The following CSF1R variants were observed in gnomAD, a reference collection of about 807,000 sequenced individuals.
CSF1R encodes the protein colony stimulating factor 1 receptor.
Under a neutral mutation model 110.0 loss-of-function variants are expected in CSF1R, and 40 were observed. The observed-to-expected ratio is 0.36, with a 90% confidence interval of 0.28 to 0.47. CSF1R has a LOEUF of 0.47. Among genes scored for constraint, CSF1R ranks in the 20% least tolerant of loss-of-function variants. The probability of loss-of-function intolerance (pLI) is 0.99; values close to 1 mark genes in which losing one functional copy is unlikely to be tolerated. For missense variants in CSF1R, 1,052 were observed against 1,253.0 expected (o/e 0.84, Z 2.42); for synonymous variants, 523 against 503.4 (o/e 1.04, Z -0.52).
chr5:150,070,694 C>G, intron 6 of CSF1R, 123 bp from the exon 7 acceptor site: 1 of 644,052 alleles, frequency 1.6e-6, no homozygotes. Flanking sequence ...CAGGGCCCAA[C>G]GGCCTTGGGT....
chr5:150,098,447 A>G (rs1222040876), intron 1 of CSF1R: 4 of 152,944 alleles, frequency 2.6e-5, no homozygotes, highest in South Asian at 4.1e-4. Flanking sequence ...ATTGATCACA[A>G]CCAGTTACAG....
chr5:150,096,137 C>A (rs1282003516), intron 1 of CSF1R, among the ~76,000 whole-genome samples: 3 of 152,194 alleles, frequency 2.0e-5, no homozygotes, highest in Admixed American at 1.3e-4. Flanking sequence ...TGCCTGTAAT[C>A]CCAGCACTTT....
chr5:150,056,721 C>G (rs1757233890), intron 16 of CSF1R, among the ~76,000 whole-genome samples: 1 of 152,078 alleles, frequency 6.6e-6, no homozygotes. Context: ...ACTCTGCACA[C>G]ATTGAACCCT....
At chr5:150,073,514 GCATC>G in intron 5 of CSF1R, 21 bp from the exon 6 acceptor site, 1 of 1,603,730 alleles carries the variant, frequency 6.2e-7, no homozygotes, top group Non-Finnish European at 8.5e-7. Context: ...GAACACACAA[GCATC>G]TGGCATTAGT....
chr5:150,075,178 G>A (rs540099948), intron 5 of CSF1R, among the ~76,000 whole-genome samples: 2 of 152,208 alleles, frequency 1.3e-5, no homozygotes, highest in East Asian at 3.9e-4. Context: ...GTGAGCTTTT[G>A]GGGGCAAGGC....
intron 1 of CSF1R, among the ~76,000 whole-genome samples, chr5:150,092,093 A>G (rs980344907): frequency 6.6e-6 from 1 of 152,250 alleles, no homozygotes; most frequent in Non-Finnish European, 1.5e-5. Context: ...TTTTGTGGCC[A>G]TACGGTCTTT....
intron 9 of CSF1R, among the ~76,000 whole-genome samples, chr5:150,068,604 G>A (rs1229946440): frequency 6.6e-6 from 1 of 152,192 alleles, no homozygotes; most frequent in African/African-American, 2.4e-5. Context: ...CTGGGGTCAT[G>A]CAGTCTCACC....
At chr5:150,100,419 T>C (rs1759371622) in intron 1 of CSF1R, among the ~76,000 whole-genome samples, 1 of 148,984 alleles carries the variant, frequency 6.7e-6, no homozygotes, top group South Asian at 2.2e-4. Context: ...TGCCTCAGCC[T>C]CCCGAGTAGC....
chr5:150,077,236 A>G (rs757306973), intron 5 of CSF1R, 40 bp downstream of exon 5: 15 of 1,613,186 alleles, frequency 9.3e-6, no homozygotes, highest in Non-Finnish European at 1.3e-5. Flanking sequence ...ACACTCCTGC[A>G]GGATCCCTAC....
chr5:150,055,457 A>C (rs1412620997), intron 18 of CSF1R, 121 bp from the exon 19 acceptor site: 2 of 789,018 alleles, frequency 2.5e-6, no homozygotes, highest in Admixed American at 4.2e-5. Flanking sequence ...AACAGCAGCT[A>C]CTCTTACCCG....
chr5:150,106,842 C>T (rs1276287250), intron 1 of CSF1R, among the ~76,000 whole-genome samples: 2 of 152,242 alleles, frequency 1.3e-5, no homozygotes, highest in Admixed American at 1.3e-4. Context: ...ATAAGCCTCC[C>T]TTTGCCTGAC....
At chr5:150,068,185 A>T in intron 10 of CSF1R, 30 bp downstream of exon 10, 1 of 1,577,400 alleles carries the variant, frequency 6.3e-7, no homozygotes, top group Non-Finnish European at 8.7e-7. Context: ...TCACTCAGGC[A>T]CCTGGCAGCC....
intron 1 of CSF1R, among the ~76,000 whole-genome samples, chr5:150,085,458 G>C (rs6579770): frequency 0.024 from 3,606 of 151,818 alleles, 132 homozygotes; most frequent in African/African-American, 0.083. Context: ...CTCCCCCAAG[G>C]TCCCTTTGAA....
rs1476796596 is a variant in CSF1R at position 150,053,392 on chromosome 5, G to C, written c.*677C>G. The C allele has an allele frequency of 8.5e-6, 2 of 234,102 alleles. No individual in the cohort carries two copies. The highest frequency in any genetic ancestry group is 4.4e-5 in the African/African-American group (2 of 45,338). 14.5% of individuals were successfully genotyped at this position (234,102 alleles called of 1,614,324 possible). On this transcript the variant is annotated 3_prime_UTR_variant, in exon 21 of 21. Coordinates refer to ENST00000675795, the MANE Select transcript of CSF1R (RefSeq NM_001288705.3). ...TGGGGGAGTTTGTGCTTCCTGCTTG[G>C]TGTGGCCAGCCACATGCCAAGGTCC... is the stretch of plus-strand genomic sequence containing the variant.
At position 150,068,242 on chromosome 5, in the gene CSF1R, G is replaced by GAGC; in HGVS notation, c.1596_1598dup (p.Leu537dup). The GAGC allele has an allele frequency of 1.2e-6, 2 of 1,608,386 alleles. No individual in the cohort carries two copies. The highest frequency in any genetic ancestry group is 1.7e-6 in the Non-Finnish European group (2 of 1,177,920). On this transcript the variant is annotated inframe_insertion, in exon 10 of 21. Transcript: ENST00000675795. The stretch of plus-strand genomic sequence containing the variant: ...GCTTATACTTGTACAATAGCAGCAG[G>GAGC]AGCAGCAGCAGCAGCAAGGCCATGA...
chr5:150,070,782 T>A (rs1456068357), intron 6 of CSF1R, among the ~76,000 whole-genome samples: 1 of 152,210 alleles, frequency 6.6e-6, no homozygotes, highest in Non-Finnish European at 1.5e-5. Context: ...TTTTCTTATC[T>A]GAAAGTGTTT....
At chr5:150,069,849 G>A (rs776270430) in intron 9 of CSF1R, 24 bp downstream of exon 9, 2 of 1,573,082 alleles carry the variant, frequency 1.3e-6, no homozygotes, top group Non-Finnish European at 1.7e-6. Context: ...GGGGGGCGGT[G>A]CGGGTGCGAA....
chr5:150,080,914 G>A lies in CSF1R; in HGVS notation c.160C>T (p.Pro54Ser), dbSNP rs755808680. The change falls in exon 2 of 21, where the codon CCA becomes TCA. Residue 54 changes from proline (P) to serine (S), a missense_variant. Transcript: ENST00000675795. ...GNGSVEWDGP[P>S]SPHWTLYSDG... ...GAGTACAGGGTCCAGTGAGGTGATG[G>A]GGGGCCATCCCATTCCACGCTGCCA... The A allele has an allele frequency of 1.9e-6, 3 of 1,613,998 alleles. No individual in the cohort carries two copies. Among genetic ancestry groups the A allele is most frequent in the African/African-American group, 2.7e-5 (2 of 74,934 alleles).
chr5:150,086,387 G>A lies in CSF1R; in HGVS notation c.41C>T (p.Ala14Val), dbSNP rs774289908. 2.5e-6 allele frequency: 4 copies of A among 1,609,540 alleles called. No individual in the cohort carries two copies. Among genetic ancestry groups the A allele is most frequent in the Non-Finnish European group, 3.4e-6 (4 of 1,178,168 alleles). The change falls in exon 1 of 21, where the codon GCT becomes GTT. Residue 14 changes from alanine (A) to valine (V), a missense_variant. This residue lies in a region of CSF1R where 693 missense variants were observed against 735.4 expected (regional missense o/e 0.94). Transcript: ENST00000675795. Reference sequence around the variant, plus strand: ...CCCCGTTCTGCTCTTACCATGCCAAGCTGTGGCCACCAGCAGGAGCAGCAG... The same window carrying A: ...CCCCGTTCTGCTCTTACCATGCCAAACTGTGGCCACCAGCAGGAGCAGCAG... ...GVLLLLLVAT[A>V]WHGQGIPVIE...
Sources: allele counts gnomAD v4.1 joint callset (sites outside exome capture counted in the v4.1 genomes callset), GRCh38; gene constraint gnomAD v4.1.1; regional missense constraint gnomAD v4.1.1; transcripts MANE v1.5; gene names NCBI Gene and HGNC (gene_info 2026-07-23, HGNC 2026-07-21).